GMDS: variants seen among roughly 807,000 people sequenced by gnomAD.
GMDS encodes GDP-mannose 4,6 dehydratase.
GMDS carries 20 observed loss-of-function variants against 49.9 expected under a neutral mutation model. The observed-to-expected ratio is 0.40, with a 90% CI of 0.28 to 0.58. The LOEUF is 0.58. GMDS is among the 20% of genes least tolerant of loss of function. The pLI is 0.42. For synonymous variants in GMDS, 177 were observed against 178.6 expected (o/e 0.99, Z 0.07); for missense variants, 362 against 481.4 (o/e 0.75, Z 2.32).
intron 1 of GMDS, among the ~76,000 whole-genome samples, chr6:2,227,973 C>T (rs1257769958): frequency 6.6e-6 from 1 of 152,222 alleles, no homozygotes; most frequent in Non-Finnish European, 1.5e-5. Flanking sequence ...TTTCTCGGCA[C>T]GTGGCCCAAG....
At chr6:1,839,247 C>T (rs1462370258) in intron 7 of GMDS, among the ~76,000 whole-genome samples, 2 of 152,124 alleles carry the variant, frequency 1.3e-5, no homozygotes, top group African/African-American at 2.4e-5. Context: ...AGCCAGGGGA[C>T]CCAGATCTAT....
intron 1 of GMDS, among the ~76,000 whole-genome samples, chr6:2,186,544 T>C (rs1361393444): frequency 6.6e-6 from 1 of 152,260 alleles, no homozygotes; most frequent in African/African-American, 2.4e-5. Context: ...AGCCTTTCCA[T>C]AATAAATTAA....
chr6:1,624,973 G>T (rs899455035), intron 9 of GMDS: 2 of 154,258 alleles, frequency 1.3e-5, no homozygotes, highest in African/African-American at 2.4e-5. Context: ...GTGTCCCTGC[G>T]CCGCTCAGCT....
chr6:1,789,636 A>C (rs746078832), intron 7 of GMDS, among the ~76,000 whole-genome samples: 9 of 151,470 alleles, frequency 5.9e-5, no homozygotes, highest in Non-Finnish European at 8.8e-5. Flanking sequence ...CCCAGGCTCA[A>C]GCAATCCTCC....
intron 1 of GMDS, among the ~76,000 whole-genome samples, chr6:2,205,326 CA>C (rs1235649757): frequency 6.6e-6 from 1 of 152,180 alleles, no homozygotes; most frequent in East Asian, 1.9e-4. Context: ...AAAACTCCCC[CA>C]TTGAAAAGTT....
At chr6:1,703,239 C>T (rs971283872) in intron 9 of GMDS, among the ~76,000 whole-genome samples, 5 of 152,164 alleles carry the variant, frequency 3.3e-5, no homozygotes, top group African/African-American at 1.2e-4. Context: ...TTTGTTCTCT[C>T]TCTCTGCCTC....
intron 1 of GMDS, among the ~76,000 whole-genome samples, chr6:2,166,207 A>G (rs1019730746): frequency 2.0e-5 from 3 of 152,240 alleles, no homozygotes; most frequent in Non-Finnish European, 4.4e-5. Context: ...AGTATCAGGC[A>G]GAACAAATTT....
chr6:1,721,468 T>G (rs1014746895), intron 9 of GMDS, among the ~76,000 whole-genome samples: 1 of 152,016 alleles, frequency 6.6e-6, no homozygotes, highest in Admixed American at 6.5e-5. Flanking sequence ...AGACAAACAG[T>G]GTAGCAAGGA....
At chr6:1,784,390 CAAAAAAAAAA>C (rs780517217) in intron 7 of GMDS, among the ~76,000 whole-genome samples, 3 of 40,494 alleles carry the variant, frequency 7.4e-5, no homozygotes, top group African/African-American at 1.8e-4. Flanking sequence ...AGACTCGTCT[CAAAAAAAAAA>C]AAAAAAAAAA....
chr6:2,243,018 A>C (rs950948423), intron 1 of GMDS, among the ~76,000 whole-genome samples: 1 of 152,228 alleles, frequency 6.6e-6, no homozygotes, highest in Admixed American at 6.5e-5. Flanking sequence ...GCAAGTGTTT[A>C]TGTGGTAGCT....
chr6:1,725,292 G>T (rs752236456), intron 9 of GMDS, among the ~76,000 whole-genome samples: 9 of 152,218 alleles, frequency 5.9e-5, no homozygotes, highest in Non-Finnish European at 1.2e-4. Flanking sequence ...AAGCTAGGCA[G>T]CTTTATAAGT....
intron 6 of GMDS, among the ~76,000 whole-genome samples, chr6:1,953,424 C>G (rs1226513904): frequency 1.3e-5 from 2 of 152,162 alleles, no homozygotes; most frequent in Non-Finnish European, 2.9e-5. Context: ...AATTTTTTAA[C>G]CTTCCAAAAG....
chr6:1,835,865 TTTA>T (rs1321492758), intron 7 of GMDS, among the ~76,000 whole-genome samples: 2 of 151,770 alleles, frequency 1.3e-5, no homozygotes, highest in Non-Finnish European at 2.9e-5. Flanking sequence ...TTTATTTTAT[TTTA>T]TTTTTTATTT....
chr6:1,731,074 A>G (rs1766784822), intron 8 of GMDS, among the ~76,000 whole-genome samples: 1 of 152,208 alleles, frequency 6.6e-6, no homozygotes, highest in Non-Finnish European at 1.5e-5. Flanking sequence ...GATACTACAT[A>G]AAAAGAAATA....
intron 1 of GMDS, among the ~76,000 whole-genome samples, chr6:2,193,184 C>T (rs1779124098): frequency 1.3e-5 from 2 of 152,244 alleles, no homozygotes; most frequent in African/African-American, 4.8e-5. Flanking sequence ...TTCCTCACAA[C>T]TTCCTCAAGT....
chr6:1,867,989 G>T lies in GMDS; in HGVS notation c.771+62114C>A, dbSNP rs115155562. Reference sequence around the variant, plus strand: ...ATGCTGACTTTCCTTCTCAACAGCTGTTCTTTTTTTTTTTTTCCCTGGAGT... The same window carrying T: ...ATGCTGACTTTCCTTCTCAACAGCTTTTCTTTTTTTTTTTTTCCCTGGAGT... On this transcript the variant is annotated intron_variant, in intron 7 of 10. Coordinates refer to ENST00000380815, the MANE Select transcript of GMDS (RefSeq NM_001500.4). 9.6e-3 allele frequency among the ~76,000 whole-genome samples: 1,461 copies of T among 151,462 alleles called. 27 individuals carry two copies. The highest frequency in any genetic ancestry group is 0.034 in the African/African-American group (1,396 of 41,294).
At chr6:2,092,125 T>C (rs1581638531) in intron 4 of GMDS, among the ~76,000 whole-genome samples, 2 of 152,152 alleles carry the variant, frequency 1.3e-5, no homozygotes, top group African/African-American at 2.4e-5. Context: ...AAATAAGCTA[T>C]GGAGAGAGAC....
intron 7 of GMDS, among the ~76,000 whole-genome samples, chr6:1,842,488 G>T (rs1757191745): frequency 1.3e-5 from 2 of 152,166 alleles, no homozygotes; most frequent in South Asian, 4.1e-4. Flanking sequence ...TCTCCAAATG[G>T]AGAAGAATGT....
At chr6:1,802,697 G>A (rs1581198825) in intron 7 of GMDS, among the ~76,000 whole-genome samples, 6 of 152,208 alleles carry the variant, frequency 3.9e-5, no homozygotes, top group Admixed American at 1.3e-4. Context: ...TGTGTTATGC[G>A]GGGAGGAGGG....
Sources: gnomAD v4.1 joint callset for allele counts (sites outside exome capture counted in the v4.1 genomes callset) on GRCh38, gnomAD v4.1.1 for gene constraint, MANE v1.5 for transcripts, NCBI Gene and HGNC (gene_info 2026-07-23, HGNC 2026-07-21) for gene names.